PNPLA8: variants seen among roughly 807,000 people sequenced by gnomAD.
The protein encoded by PNPLA8 is calcium-independent phospholipase A2-gamma.
A neutral mutation model predicts 76.9 loss-of-function variants in PNPLA8; 39 were observed. That is an observed-to-expected ratio of 0.51 (90% CI 0.39 to 0.66). The LOEUF is 0.66. Ranked by LOEUF, PNPLA8 falls within the 30% of genes least tolerant of loss-of-function variation. The pLI is 0.00. For synonymous variants in PNPLA8, 301 were observed against 307.9 expected, an observed-to-expected ratio of 0.98 and a Z score of 0.24; for missense variants, 887 against 918.0, an observed-to-expected ratio of 0.97 and a Z score of 0.44.
At position 108,471,952 on chromosome 7, in the gene PNPLA8, T is replaced by G. The variant is rs992712326; in HGVS notation, c.*449A>C. The G allele has an allele frequency of 6.6e-5, 10 of 152,408 alleles. No individual in the cohort carries two copies. Among genetic ancestry groups the G allele is most frequent in the African/African-American group, 2.2e-4 (9 of 41,446 alleles). The allele number at this position is 152,408 out of a possible 1,614,324, so 9.4% of individuals were successfully genotyped here. A position where few individuals can be genotyped will look rare whatever the true frequency, so the allele number is the denominator to read the frequency against. On this transcript the variant is annotated 3_prime_UTR_variant, in exon 11 of 11. Transcript: ENST00000257694. ...AGTGTGGATTGGAGAACATAGCTAG[T>G]GAGAATATTAGGTAATGTAAATTTA...
intron 8 of PNPLA8, among the ~76,000 whole-genome samples, chr7:108,491,016 C>T (rs534145918): frequency 1.3e-5 from 2 of 151,998 alleles, no homozygotes; most frequent in Non-Finnish European, 1.5e-5. Context: ...AATAAAAGGG[C>T]CCTCAGGGCC....
intron 8 of PNPLA8, 41 bp downstream of exon 8, chr7:108,491,369 A>T: frequency 8.2e-7 from 1 of 1,217,800 alleles, no homozygotes; most frequent in South Asian, 1.2e-5. Flanking sequence ...CCAGACCTTC[A>T]GATGGAACTA....
At position 108,496,695 on chromosome 7, in the gene PNPLA8, A is replaced by T; in HGVS notation, c.1514T>A (p.Leu505His). The change falls in exon 7 of 11, where the codon CTT (leucine) becomes CAT (histidine). Residue 505 changes from leucine (L) to histidine (H), a missense_variant. Coordinates refer to ENST00000257694, the MANE Select transcript of PNPLA8 (RefSeq NM_001256007.3). ...FHMPLDECEE[L>H]YRKLGSDVFS... ...TACATCTGATCCTAATTTTCGATAAAGTTCCTCACATTCATCCAAGGGCAT... is the reference window on the plus strand; with the variant it reads ...TACATCTGATCCTAATTTTCGATAATGTTCCTCACATTCATCCAAGGGCAT... The T allele has an allele frequency of 1.9e-6, 3 of 1,612,040 alleles. No individual in the cohort carries two copies. Among genetic ancestry groups the T allele is most frequent in the Non-Finnish European group, 2.5e-6 (3 of 1,178,988 alleles).
At chr7:108,506,704 T>C (rs1159185576) in intron 4 of PNPLA8, among the ~76,000 whole-genome samples, 1 of 150,006 alleles carries the variant, frequency 6.7e-6, no homozygotes, top group Admixed American at 6.6e-5. Context: ...AAACATAATA[T>C]TGAGTGAAAA....
At chr7:108,487,487 T>C (rs1326415974) in intron 9 of PNPLA8, among the ~76,000 whole-genome samples, 1 of 152,178 alleles carries the variant, frequency 6.6e-6, no homozygotes, top group East Asian at 1.9e-4. Context: ...TAATCATACA[T>C]ACTCTCACTT....
intron 9 of PNPLA8, among the ~76,000 whole-genome samples, chr7:108,486,603 T>C (rs1333760046): frequency 6.6e-6 from 1 of 152,068 alleles, no homozygotes; most frequent in African/African-American, 2.4e-5. Flanking sequence ...TTTAATCTCT[T>C]AACTACAAAT....
At position 108,487,801 on chromosome 7, in the gene PNPLA8, T is replaced by C. The variant is rs1205527920; in HGVS notation, c.1836A>G (p.Pro612=). 4 of 1,613,360 alleles carry C rather than the reference T, an allele frequency of 2.5e-6. No individual in the cohort carries two copies. In the Admixed American group the frequency reaches 6.7e-5, roughly 27 times the overall value. Residue 612 remains proline (P), a synonymous_variant, in exon 9 of 11, where the codon CCA becomes CCG. Transcript: ENST00000257694. The stretch of plus-strand genomic sequence containing the variant: ...CCAATGCATATTCTGCAAAGTAGCC[T>C]GGAGCAGCAGATGAGGCTCTAATGG... ...WQAIRASSAA[P]GYFAEYALGN...
At chr7:108,500,738 C>G (rs1162262163) in intron 5 of PNPLA8, among the ~76,000 whole-genome samples, 1 of 152,038 alleles carries the variant, frequency 6.6e-6, no homozygotes, top group Admixed American at 6.6e-5. Context: ...GGTGAAACCC[C>G]GTCTCTACTA....
intron 7 of PNPLA8, among the ~76,000 whole-genome samples, chr7:108,495,034 G>T (rs188886015): frequency 2.6e-5 from 4 of 152,174 alleles, no homozygotes; most frequent in Non-Finnish European, 5.9e-5. Flanking sequence ...CTCTCAAACT[G>T]ATGTCATTTT....
At chr7:108,512,286 T>C (rs1489244690) in intron 4 of PNPLA8, among the ~76,000 whole-genome samples, 1 of 152,216 alleles carries the variant, frequency 6.6e-6, no homozygotes, top group Non-Finnish European at 1.5e-5. Context: ...AGTGGTAATC[T>C]GAGGGTAAAA....
chr7:108,485,478 A>C (rs1051823983), intron 9 of PNPLA8, among the ~76,000 whole-genome samples: 2 of 152,136 alleles, frequency 1.3e-5, no homozygotes, highest in South Asian at 4.1e-4. Flanking sequence ...ACTACAATGG[A>C]TACCAAGTAA....
intron 2 of PNPLA8, among the ~76,000 whole-genome samples, chr7:108,519,924 TCA>T (rs1182685128): frequency 6.6e-6 from 1 of 152,180 alleles, no homozygotes; most frequent in African/African-American, 2.4e-5. Context: ...TTAGGCTCAT[TCA>T]GTTTTCAAAG....
In PNPLA8 at chr7:108,515,476, T is replaced by A. The variant is rs1172152151; in HGVS notation, c.16A>T (p.Thr6Ser). The A allele has an allele frequency of 6.6e-7, 1 of 1,505,664 alleles. No individual in the cohort carries two copies. The highest frequency in any genetic ancestry group is 8.9e-7 in the Non-Finnish European group (1 of 1,124,536). The allele number at this position is 1,505,664 out of a possible 1,614,324, so 93.3% of individuals were successfully genotyped here. ...AGGAGGTAAATATATATATCTACAG[T>A]CAGATTAATAGACATAACTTAAAAA... MSINL[T>S]VDIYIYLLSN... The change falls in exon 3 of 11, where the codon ACT becomes TCT. Residue 6 changes from threonine (T) to serine (S), a missense_variant. Transcript: ENST00000257694.
At chr7:108,514,002 G>T in intron 4 of PNPLA8, 142 bp downstream of exon 4, 1 of 591,296 alleles carries the variant, frequency 1.7e-6, no homozygotes, top group Admixed American at 2.8e-5. Flanking sequence ...AATAAATAGG[G>T]TAATTACTGA....
chr7:108,475,995 G>T (rs545449377), intron 10 of PNPLA8, among the ~76,000 whole-genome samples: 2 of 152,098 alleles, frequency 1.3e-5, no homozygotes, highest in Non-Finnish European at 2.9e-5. Context: ...CCCATATCAA[G>T]TCTACTTTAT....
chr7:108,515,250 A>C lies in PNPLA8; in HGVS notation c.242T>G (p.Ile81Ser), dbSNP rs757667730. ...CYSPSNHGLH[I>S]GILKLSTSAP... ...AGAAGTGCTAAGTTTCAAAATCCCAATATGTAAACCATGGTTGCTTGGAGA... is the reference window on the plus strand; with the variant it reads ...AGAAGTGCTAAGTTTCAAAATCCCACTATGTAAACCATGGTTGCTTGGAGA... Residue 81 changes from isoleucine to serine, a missense_variant, in exon 3 of 11, where the codon ATT becomes AGT. Physicochemically the swap from Ile to Ser is moderately radical, Grantham distance 142. Transcript: ENST00000257694. The C allele has an allele frequency of 2.5e-6, 4 of 1,602,636 alleles. No homozygotes were observed. The highest frequency in any genetic ancestry group is 3.4e-6 in the Non-Finnish European group (4 of 1,173,628).
intron 7 of PNPLA8, among the ~76,000 whole-genome samples, chr7:108,493,567 G>GATTTTT (rs1563951361): frequency 9.5e-6 from 1 of 105,656 alleles, no homozygotes; most frequent in African/African-American, 3.6e-5. Flanking sequence ...CCCATGCCTG[G>GATTTTT]CTTTTTTTTT....
intron 2 of PNPLA8, among the ~76,000 whole-genome samples, chr7:108,517,647 C>T (rs1332447081): frequency 2.6e-5 from 4 of 152,142 alleles, no homozygotes; most frequent in African/African-American, 9.7e-5. Context: ...ACCTGAAATG[C>T]ATATTACTAA....
rs898525474 is a variant in PNPLA8 at position 108,472,140 on chromosome 7, T to C, written c.*261A>G. The C allele has an allele frequency of 3.5e-5, 10 of 283,674 alleles. No homozygotes were observed. The highest frequency in any genetic ancestry group is 6.6e-5 in the Non-Finnish European group (10 of 152,372). The allele number at this position is 283,674 out of a possible 1,614,324, so 17.6% of individuals were successfully genotyped here. A position where few individuals can be genotyped will look rare whatever the true frequency, so the allele number is the denominator to read the frequency against. On this transcript the variant is annotated 3_prime_UTR_variant, in exon 11 of 11. Transcript: ENST00000257694. Reference sequence around the variant, plus strand: ...AACATCAAACAATATAACACCAATATCTACTAAAATCTACTAGCACAGTAA... The same window carrying C: ...AACATCAAACAATATAACACCAATACCTACTAAAATCTACTAGCACAGTAA...
Sources: gnomAD v4.1 joint callset for allele counts (sites outside exome capture counted in the v4.1 genomes callset) on GRCh38, gnomAD v4.1.1 for gene constraint, MANE v1.5 for transcripts, NCBI Gene and HGNC (gene_info 2026-07-23, HGNC 2026-07-21) for gene names.